ZNF99: variants seen among roughly 807,000 people sequenced by gnomAD.
The protein encoded by ZNF99 is zinc finger protein 99.
In ZNF99, 8 loss-of-function variants were observed where a neutral mutation model predicts 12.8. The ratio of observed to expected loss-of-function variants is 0.62; its 90% CI spans 0.37 to 1.13. The LOEUF (loss-of-function observed/expected upper bound fraction) is 1.13, where lower values mean the gene tolerates loss of function less well. Ranked by LOEUF, ZNF99 falls within the 50% of genes most tolerant of loss-of-function variation. The pLI is 0.02. For synonymous variants in ZNF99, 318 were observed against 319.0 expected (o/e 1.00, Z 0.03); for missense variants, 1,007 against 1,006.2 (o/e 1.00, Z -0.01).
intron 1 of ZNF99, among the ~76,000 whole-genome samples, chr19:22,776,246 G>C (rs188024456): frequency 5.0e-4 from 75 of 150,688 alleles, no homozygotes; most frequent in Middle Eastern, 3.4e-3. Flanking sequence ...ATCCACTCAG[G>C]AGGCTGAGGC....
Position 22,753,919 on chromosome 19 carries a change from T to G in ZNF99, c.*3395A>C, listed in dbSNP as rs756847311. ...CAAGTGTGACAACCATTTAAAGGCT[T>G]TGTGACATGACTCACATCTAGGGCT... On this transcript the variant is annotated 3_prime_UTR_variant, in exon 4 of 4. Transcript: ENST00000596209. 3 of 386,056 alleles carry G rather than the reference T, an allele frequency of 7.8e-6. No homozygotes were observed. The highest frequency in any genetic ancestry group is 5.9e-5 in the South Asian group (3 of 51,038). The allele number at this position is 386,056 out of a possible 1,614,324, so 23.9% of individuals were successfully genotyped here.
intron 3 of ZNF99, among the ~76,000 whole-genome samples, chr19:22,760,075 A>T (rs1215451723): frequency 2.6e-5 from 4 of 152,122 alleles, no homozygotes; most frequent in Admixed American, 2.6e-4. Flanking sequence ...AGGCAAGTGG[A>T]TTACCTGAGA....
rs763673738 is a variant in ZNF99, at chr19:22,757,499, G to A, written c.2410C>T (p.Leu804Phe). ...CGKAFNNSST[L>F]RKHEIIHTGE... ...GTATGAATTATCTCATGTTTTCTAA[G>A]GGTTGAGGAATTGTTAAAAGCTTTG... is the stretch of plus-strand genomic sequence containing the variant. Residue 804 changes from leucine (L) to phenylalanine (F), a missense_variant, in exon 4 of 4, where the codon CTT becomes TTT. By Grantham distance (22) the Leu-to-Phe change is conservative (BLOSUM62 0). Transcript: ENST00000596209. 34 of 1,610,686 alleles carry A rather than the reference G, an allele frequency of 2.1e-5. No individual in the cohort carries two copies. Among genetic ancestry groups the A allele is most frequent in the Non-Finnish European group, 2.8e-5 (33 of 1,179,574 alleles).
chr19:22,763,882 G>A (rs888072083), intron 3 of ZNF99, among the ~76,000 whole-genome samples: 2 of 141,486 alleles, frequency 1.4e-5, no homozygotes, highest in Non-Finnish European at 3.0e-5. Flanking sequence ...GTAGGGAAAG[G>A]ATACTCTTTT....
rs1054006297 is a variant in ZNF99, at chr19:22,758,814, T to C, written c.1095A>G (p.Glu365=). 1 of 1,603,320 alleles carries C rather than the reference T, an allele frequency of 6.2e-7. No homozygotes were observed. The highest frequency in any genetic ancestry group is 8.5e-7 in the Non-Finnish European group (1 of 1,173,086). The change falls in exon 4 of 4, where the codon GAA becomes GAG. Residue 365 remains glutamate (E), a synonymous_variant. Coordinates refer to ENST00000596209, the MANE Select transcript of ZNF99 (RefSeq NM_001080409.3). ...ATTCTTCATATTTGTAGGGTTTCTC[T>C]TCAGTATGAATTATCTCATGTTTTC... ...TLRKHEIIHT[E]EKPYKYEECG...
chr19:22,764,942 C>A (rs1016060374), intron 3 of ZNF99, among the ~76,000 whole-genome samples: 2 of 152,162 alleles, frequency 1.3e-5, no homozygotes, highest in African/African-American at 4.8e-5. Context: ...TCCTAAAGAA[C>A]TAAAAGTTGT....
intron 3 of ZNF99, among the ~76,000 whole-genome samples, chr19:22,763,918 T>C (rs1029440441): frequency 3.5e-5 from 5 of 142,098 alleles, no homozygotes; most frequent in Admixed American, 1.4e-4. Context: ...TTTTTTTTTT[T>C]TTTTTTTTGA....
At chr19:22,781,372 T>G (rs1191816450) in intron 1 of ZNF99, among the ~76,000 whole-genome samples, 1 of 150,686 alleles carries the variant, frequency 6.6e-6, no homozygotes, top group Non-Finnish European at 1.5e-5. Flanking sequence ...GTAAGAACTT[T>G]TCAAGTTCTT....
chr19:22,767,547 C>A (rs1024808126), intron 3 of ZNF99, among the ~76,000 whole-genome samples: 40 of 151,832 alleles, frequency 2.6e-4, no homozygotes, highest in Non-Finnish European at 1.2e-4. Flanking sequence ...TAAAATGGGT[C>A]AATTTACCAG....
At chr19:22,761,764 A>G (rs1973153275) in intron 3 of ZNF99, among the ~76,000 whole-genome samples, 1 of 152,198 alleles carries the variant, frequency 6.6e-6, no homozygotes, top group Non-Finnish European at 1.5e-5. Context: ...AATAAATTTA[A>G]GAAAATGAAA....
Position 22,783,742 on chromosome 19 carries a change from G to A in ZNF99, c.3+272C>T, listed in dbSNP as rs1423649208. On this transcript the variant is annotated intron_variant, in intron 1 of 3. Coordinates refer to ENST00000596209, the MANE Select transcript of ZNF99 (RefSeq NM_001080409.3). The stretch of plus-strand genomic sequence containing the variant: ...CTCCCGTGGTCCCTGCACAATCTGT[G>A]AGAGAGGAGGCGCTGCGGGTGAAGA... Among the ~76,000 whole-genome samples the A allele has an allele frequency of 5.9e-5, 9 of 152,182 alleles. No individual in the cohort carries two copies. The East Asian group carries it at 1.5e-3, about 26-fold the overall frequency.
rs558280633 is a variant in ZNF99 at position 22,769,683 on chromosome 19, A to G, written c.4-359T>C. Among the ~76,000 whole-genome samples, 6 of 151,688 alleles carry G rather than the reference A, an allele frequency of 4.0e-5. No homozygotes were observed. In the South Asian group the frequency reaches 1.0e-3, roughly 26 times the overall value. On this transcript the variant is annotated intron_variant, in intron 1 of 3. Coordinates refer to ENST00000596209, the MANE Select transcript of ZNF99 (RefSeq NM_001080409.3). The stretch of plus-strand genomic sequence containing the variant: ...TGGGAGGCTGAGGCAGGAGAATGGC[A>G]TGAACCCGGGAGGCAGAGCTTGCAG...
Position 22,759,495 on chromosome 19 carries a change from T to TG in ZNF99, c.413dup (p.Thr139AsnfsTer10), listed in dbSNP as rs764210272. On this transcript the variant is annotated frameshift_variant, in exon 4 of 4. Transcript: ENST00000596209. LOFTEE classifies it low-confidence loss of function (END_TRUNC). The stretch of plus-strand genomic sequence containing the variant: ...ACTGAAATATTTTTCCCTGGGTAGT[T>TG]GTCCAACATTGGTTAAGTTTATTAT... The TG allele has an allele frequency of 1.3e-5, 21 of 1,607,026 alleles. No individual in the cohort carries two copies. The East Asian group carries it at 4.5e-4, about 34-fold the overall frequency.
intron 1 of ZNF99, chr19:22,771,194 G>T (rs2145153322): frequency 6.9e-6 from 1 of 144,230 alleles, no homozygotes; most frequent in East Asian, 2.2e-4. Flanking sequence ...CCGCCTTAAA[G>T]TGCTGGGGTT....
intron 3 of ZNF99, among the ~76,000 whole-genome samples, chr19:22,764,369 C>A (rs879260501): frequency 1.3e-5 from 2 of 152,112 alleles, no homozygotes; most frequent in African/African-American, 4.8e-5. Flanking sequence ...ATTGGAAAAA[C>A]CCTTTTAGAC....
chr19:22,777,480 A>G (rs1326669999), intron 1 of ZNF99, among the ~76,000 whole-genome samples: 1 of 152,194 alleles, frequency 6.6e-6, no homozygotes, highest in Non-Finnish European at 1.5e-5. Flanking sequence ...AACTCCCGAC[A>G]CAATTTCCTC....
Position 22,759,080 on chromosome 19 carries a change from T to C in ZNF99, c.829A>G (p.Ile277Val). ...NNSSTLMKHK[I>V]IHTGKKPYKC... ...TATGGTTTCTTCCCAGTATGAATTA[T>C]CTTATGTTTCATAAGGGTTGAGGAA... The change falls in exon 4 of 4, where the codon ATA (isoleucine) becomes GTA (valine). Residue 277 changes from isoleucine to valine, a missense_variant. Physicochemically the swap from Ile to Val is conservative, Grantham distance 29. Transcript: ENST00000596209. 1 of 1,613,460 alleles carries C rather than the reference T, an allele frequency of 6.2e-7. No homozygotes were observed. The highest frequency in any genetic ancestry group is 2.2e-5 in the East Asian group (1 of 44,832).
chr19:22,769,877 G>A (rs765168233), intron 1 of ZNF99: 1 of 1,352,870 alleles, frequency 7.4e-7, no homozygotes, highest in African/African-American at 1.5e-5. Context: ...ATACTTTTCT[G>A]GATAATAAAG....
In ZNF99 at chr19:22,756,950, C is replaced by T. The variant is rs556797516; in HGVS notation, c.*364G>A. The T allele has an allele frequency of 6.2e-7, 1 of 1,610,970 alleles. No individual in the cohort carries two copies. The highest frequency in any genetic ancestry group is 1.1e-5 in the South Asian group (1 of 91,002). ...CTTAAAAGCTTTACCACATTCTTCA[C>T]ATTTGTATGGTTTCTCCCCAGTATG... On this transcript the variant is annotated 3_prime_UTR_variant, in exon 4 of 4. Coordinates refer to ENST00000596209, the MANE Select transcript of ZNF99 (RefSeq NM_001080409.3).
Sources: gnomAD v4.1 joint callset for allele counts (sites outside exome capture counted in the v4.1 genomes callset) on GRCh38, gnomAD v4.1.1 for gene constraint, MANE v1.5 for transcripts, NCBI Gene and HGNC (gene_info 2026-07-23, HGNC 2026-07-21) for gene names.